PRTFDC1: variants seen among roughly 807,000 people sequenced by gnomAD.
The protein encoded by PRTFDC1 is phosphoribosyl transferase domain containing 1.
Under a neutral mutation model 34.6 loss-of-function variants are expected in PRTFDC1, and 38 were observed. The ratio of observed to expected loss-of-function variants is 1.10; its 90% CI spans 0.85 to 1.44. The LOEUF (loss-of-function observed/expected upper bound fraction) is 1.44, where lower values mean the gene tolerates loss of function less well. Ranked by LOEUF, PRTFDC1 falls within the 40% of genes most tolerant of loss-of-function variation. The pLI is 0.00. For synonymous variants in PRTFDC1, 93 were observed against 98.1 expected (o/e 0.95, Z 0.31); for missense variants, 270 against 283.0 (o/e 0.95, Z 0.33).
intron 3 of PRTFDC1, among the ~76,000 whole-genome samples, chr10:24,916,263 G>A (rs1008100852): frequency 3.3e-5 from 5 of 152,096 alleles, no homozygotes; most frequent in Non-Finnish European, 7.4e-5. Context: ...ATCTCTCACT[G>A]CAATTACTGC....
At chr10:24,912,344 G>A (rs7084338) in intron 3 of PRTFDC1, among the ~76,000 whole-genome samples, 2,991 of 142,714 alleles carry the variant, frequency 0.021, 44 homozygotes, top group Admixed American at 0.033. Flanking sequence ...AGGCTGCAGC[G>A]TCTTCCATTC....
At chr10:24,936,989 G>A (rs1040995253) in intron 3 of PRTFDC1, among the ~76,000 whole-genome samples, 195 bp downstream of exon 3, 1 of 152,072 alleles carries the variant, frequency 6.6e-6, no homozygotes, top group African/African-American at 2.4e-5. Context: ...TAGAGAGAAG[G>A]TCCCCACCCC....
chr10:24,903,596 C>T (rs892543091), intron 3 of PRTFDC1, among the ~76,000 whole-genome samples: 2 of 152,122 alleles, frequency 1.3e-5, no homozygotes, highest in African/African-American at 4.8e-5. Flanking sequence ...GTACTGAAGT[C>T]TAGAGAGGTC....
At chr10:24,950,054 T>C (rs1485855954) in intron 1 of PRTFDC1, among the ~76,000 whole-genome samples, 6 of 152,106 alleles carry the variant, frequency 3.9e-5, no homozygotes, top group African/African-American at 1.4e-4. Flanking sequence ...TTGATACCCC[T>C]CTCACTACCT....
intron 4 of PRTFDC1, among the ~76,000 whole-genome samples, chr10:24,864,644 T>A (rs1212176613): frequency 6.6e-6 from 1 of 152,224 alleles, no homozygotes; most frequent in East Asian, 1.9e-4. Context: ...ACACACTTAG[T>A]AGACTACCAT....
intron 3 of PRTFDC1, among the ~76,000 whole-genome samples, chr10:24,878,206 G>T (rs975690252): frequency 1.3e-5 from 2 of 152,048 alleles, no homozygotes; most frequent in Non-Finnish European, 2.9e-5. Flanking sequence ...CTGGGAGGTG[G>T]AGGTTGTGGT....
At chr10:24,882,252 T>A (rs1848091606) in intron 3 of PRTFDC1, among the ~76,000 whole-genome samples, 1 of 149,018 alleles carries the variant, frequency 6.7e-6, no homozygotes, top group Non-Finnish European at 1.5e-5. Flanking sequence ...GACTCAGGCA[T>A]CATCTCTTCT....
chr10:24,887,898 C>T (rs566685022), intron 3 of PRTFDC1, among the ~76,000 whole-genome samples: 14 of 149,974 alleles, frequency 9.3e-5, no homozygotes, highest in African/African-American at 3.2e-4. Context: ...GCATATGCAT[C>T]TGTTCACTTC....
At chr10:24,951,627 T>G in intron 1 of PRTFDC1, 2 of 984,996 alleles carry the variant, frequency 2.0e-6, no homozygotes, top group Non-Finnish European at 2.4e-6. Context: ...GATGGCAAGT[T>G]AGCCCCACCC....
intron 3 of PRTFDC1, among the ~76,000 whole-genome samples, chr10:24,918,997 C>G (rs1348231657): frequency 6.6e-6 from 1 of 152,260 alleles, no homozygotes; most frequent in East Asian, 1.9e-4. Flanking sequence ...GTCTGTGGAT[C>G]ACTTTCCTTA....
intron 5 of PRTFDC1, 79 bp downstream of exon 5, chr10:24,858,313 T>A (rs1847617197): frequency 1.3e-6 from 2 of 1,502,078 alleles, no homozygotes; most frequent in South Asian, 2.3e-5. Context: ...TTGGTCAATT[T>A]GATAACAAGG....
intron 6 of PRTFDC1, 52 bp downstream of exon 6, chr10:24,856,861 T>A (rs757098792): frequency 8.2e-5 from 121 of 1,468,528 alleles, no homozygotes; most frequent in Non-Finnish European, 1.1e-4. Context: ...AGCATCCCTT[T>A]TGGGCTTGCT....
intron 6 of PRTFDC1, among the ~76,000 whole-genome samples, chr10:24,855,853 T>C (rs1847564097): frequency 6.6e-6 from 1 of 152,036 alleles, no homozygotes. Context: ...CCAGGCACAG[T>C]AGCTCATGCT....
At chr10:24,861,367 T>G (rs1847677406) in intron 4 of PRTFDC1, among the ~76,000 whole-genome samples, 3 of 152,018 alleles carry the variant, frequency 2.0e-5, no homozygotes, top group Admixed American at 6.6e-5. Flanking sequence ...CTGGGCTTGG[T>G]GGCCAGCCTG....
chr10:24,852,501 C>T (rs993133742), intron 7 of PRTFDC1, among the ~76,000 whole-genome samples: 1 of 152,178 alleles, frequency 6.6e-6, no homozygotes, highest in Non-Finnish European at 1.5e-5. Flanking sequence ...GTGATCATGG[C>T]TCACGGCAGC....
At chr10:24,895,285 C>A (rs1242776925) in intron 3 of PRTFDC1, among the ~76,000 whole-genome samples, 1 of 102,090 alleles carries the variant, frequency 9.8e-6, no homozygotes, top group Non-Finnish European at 1.8e-5. Flanking sequence ...TGGAGTCGCT[C>A]TTGTTGCCCA....
At position 24,855,122 on chromosome 10, in the gene PRTFDC1, C is replaced by T. The variant is rs11014264; in HGVS notation, c.553+196G>A. Among the ~76,000 whole-genome samples the T allele has an allele frequency of 6.6e-3, 1,003 of 152,234 alleles. 3 individuals carry two copies. Among genetic ancestry groups the T allele is most frequent in the Middle Eastern group, 0.014 (4 of 294 alleles). Reference sequence around the variant, plus strand: ...AGATGCAAATTAGAACATTGAAGACCCTCATTTTGAAGGGTTCTGTTTTCC... The same window carrying T: ...AGATGCAAATTAGAACATTGAAGACTCTCATTTTGAAGGGTTCTGTTTTCC... On this transcript the variant is annotated intron_variant, in intron 7 of 8. Coordinates refer to ENST00000320152, the MANE Select transcript of PRTFDC1 (RefSeq NM_020200.7).
intron 3 of PRTFDC1, among the ~76,000 whole-genome samples, chr10:24,902,014 G>A (rs1848457352): frequency 1.3e-5 from 2 of 152,286 alleles, no homozygotes; most frequent in African/African-American, 2.4e-5. Flanking sequence ...TTAGGAGGTG[G>A]TGGAGAACAG....
chr10:24,934,255 AGAAGAAGAAGAAGAAGAAGAACTGATAC>A (rs1424388342), intron 3 of PRTFDC1, among the ~76,000 whole-genome samples: 1 of 100,278 alleles, frequency 1.0e-5, no homozygotes, highest in Admixed American at 9.1e-5. Context: ...AAGGAGAAGA[AGAAGAAGAAGAAGAAGAAGAACTGATAC>A]GAAGAAGAAG....
Sources: gnomAD v4.1 joint callset for allele counts (sites outside exome capture counted in the v4.1 genomes callset) on GRCh38, gnomAD v4.1.1 for gene constraint, MANE v1.5 for transcripts, NCBI Gene and HGNC (gene_info 2026-07-23, HGNC 2026-07-21) for gene names.